Variants in FGF14 observed in about 807,000 individuals in gnomAD.
The protein encoded by FGF14 is fibroblast growth factor 14.
Under a neutral mutation model 25.5 loss-of-function variants are expected in FGF14, and 5 were observed. The ratio of observed to expected loss-of-function variants is 0.20; its 90% CI spans 0.10 to 0.41. The LOEUF (loss-of-function observed/expected upper bound fraction) is 0.41, where lower values mean the gene tolerates loss of function less well. FGF14 is among the 10% of genes least tolerant of loss of function. The pLI, the probability that FGF14 is intolerant of heterozygous loss-of-function variation, is 1.00. For missense variants in FGF14, 222 were observed against 320.1 expected (o/e 0.69, Z 2.34); for synonymous variants, 138 against 118.3 (o/e 1.17, Z -1.08).
intron 1 of FGF14, among the ~76,000 whole-genome samples, chr13:102,330,701 C>T (rs1314895245): frequency 6.6e-6 from 1 of 152,038 alleles, no homozygotes; most frequent in African/African-American, 2.4e-5. Flanking sequence ...CCTTCCTGAC[C>T]ACCCTACTCA....
intron 1 of FGF14, among the ~76,000 whole-genome samples, chr13:102,342,576 C>T (rs750071419): frequency 5.3e-5 from 8 of 152,108 alleles, no homozygotes; most frequent in Non-Finnish European, 1.2e-4. Flanking sequence ...TAATACTGAA[C>T]ATACTAATAT....
At chr13:101,886,569 G>A (rs573731979) in intron 1 of FGF14, among the ~76,000 whole-genome samples, 7 of 152,206 alleles carry the variant, frequency 4.6e-5, no homozygotes, top group Admixed American at 2.6e-4. Flanking sequence ...AATGTAATAC[G>A]TAAGACCTGA....
In FGF14 at chr13:102,207,472, C is replaced by T. The variant is rs578184593; in HGVS notation, c.208+193999G>A. On this transcript the variant is annotated intron_variant, in intron 1 of 4. Transcript: ENST00000376131. ...AAGCCATATTTATAAACAAGCAAAA[C>T]AACTTAGTAAATTTTTTCAAAAAAC... Among the ~76,000 whole-genome samples, 4 of 150,298 alleles carry T rather than the reference C, an allele frequency of 2.7e-5. No homozygotes were observed. In the South Asian group the frequency reaches 6.3e-4, roughly 24 times the overall value.
intron 3 of FGF14, among the ~76,000 whole-genome samples, chr13:101,812,297 T>C (rs1156587918): frequency 6.6e-6 from 1 of 152,054 alleles, no homozygotes; most frequent in African/African-American, 2.4e-5. Context: ...CTGAGGACCA[T>C]AGACTCCCAA....
rs967838836 is a variant in FGF14 at position 102,243,111 on chromosome 13, T to C, written c.208+158360A>G. Reference sequence around the variant, plus strand: ...GGGACATAATGGTGGTCAGCTACAATAAAGCCCTAAAGGATAGCAGAGCAG... The same window carrying C: ...GGGACATAATGGTGGTCAGCTACAACAAAGCCCTAAAGGATAGCAGAGCAG... On this transcript the variant is annotated intron_variant, in intron 1 of 4. Transcript: ENST00000376131. 9.9e-5 allele frequency among the ~76,000 whole-genome samples: 15 copies of C among 152,200 alleles called. No homozygotes were observed. The East Asian group carries it at 2.9e-3, about 29-fold the overall frequency.
intron 1 of FGF14, among the ~76,000 whole-genome samples, chr13:102,090,738 C>T (rs535537126): frequency 6.6e-6 from 1 of 152,300 alleles, no homozygotes; most frequent in African/African-American, 2.4e-5. Flanking sequence ...CCATTAATGC[C>T]TGTCCATTCC....
intron 1 of FGF14, among the ~76,000 whole-genome samples, chr13:102,111,015 G>A (rs1240918064): frequency 1.3e-5 from 2 of 152,120 alleles, no homozygotes; most frequent in East Asian, 3.9e-4. Flanking sequence ...TTCATTTACA[G>A]AATCCTCTTA....
intron 1 of FGF14, among the ~76,000 whole-genome samples, chr13:102,001,180 G>A (rs1038259638): frequency 3.3e-5 from 5 of 152,142 alleles, no homozygotes; most frequent in African/African-American, 9.7e-5. Context: ...ATGTTTAAAA[G>A]GATTCATAGG....
At chr13:101,992,569 G>A (rs1394684330) in intron 1 of FGF14, among the ~76,000 whole-genome samples, 3 of 151,936 alleles carry the variant, frequency 2.0e-5, no homozygotes, top group East Asian at 1.9e-4. Context: ...TTAAGGGATC[G>A]AATGAAAAAA....
At chr13:102,084,502 T>A (rs940747766) in intron 1 of FGF14, among the ~76,000 whole-genome samples, 2 of 152,178 alleles carry the variant, frequency 1.3e-5, no homozygotes, top group Non-Finnish European at 2.9e-5. Flanking sequence ...TAATAGAGAT[T>A]CAGGGAGAAA....
chr13:102,006,946 T>C (rs1334723783), intron 1 of FGF14, among the ~76,000 whole-genome samples: 2 of 150,760 alleles, frequency 1.3e-5, no homozygotes, highest in African/African-American at 4.9e-5. Context: ...GGGTTTCACC[T>C]TGTTAGCCAG....
At chr13:102,327,057 T>C (rs955195197) in intron 1 of FGF14, among the ~76,000 whole-genome samples, 1 of 152,094 alleles carries the variant, frequency 6.6e-6, no homozygotes, top group Non-Finnish European at 1.5e-5. Context: ...GTTAAATAAA[T>C]AGAATTTCCC....
At chr13:102,000,190 G>A (rs897667240) in intron 1 of FGF14, among the ~76,000 whole-genome samples, 1 of 152,112 alleles carries the variant, frequency 6.6e-6, no homozygotes. Flanking sequence ...CTGGTGGCGG[G>A]CACCTGTAAT....
intron 1 of FGF14, among the ~76,000 whole-genome samples, chr13:101,994,332 T>A (rs2039067904): frequency 6.6e-6 from 1 of 152,062 alleles, no homozygotes; most frequent in African/African-American, 2.4e-5. Context: ...TATATACCTA[T>A]TTTATTTGTT....
intron 1 of FGF14, among the ~76,000 whole-genome samples, chr13:102,216,398 G>A (rs964832851): frequency 3.3e-5 from 5 of 152,142 alleles, no homozygotes; most frequent in African/African-American, 1.2e-4. Flanking sequence ...AGGTAACATA[G>A]GTAAAGAATC....
intron 1 of FGF14, among the ~76,000 whole-genome samples, chr13:102,330,773 C>T (rs181907938): frequency 6.6e-6 from 1 of 152,256 alleles, no homozygotes; most frequent in African/African-American, 2.4e-5. Context: ...TCATTGTCCT[C>T]TAAAGCTTCC....
chr13:102,227,592 C>G (rs2050884622), intron 1 of FGF14, among the ~76,000 whole-genome samples: 3 of 152,148 alleles, frequency 2.0e-5, no homozygotes, highest in Admixed American at 2.0e-4. Context: ...TATTACTCTA[C>G]ATCACACAAC....
chr13:102,055,555 T>A (rs1273679584), intron 1 of FGF14, among the ~76,000 whole-genome samples: 1 of 152,224 alleles, frequency 6.6e-6, no homozygotes, highest in Non-Finnish European at 1.5e-5. Context: ...TAACAAATCA[T>A]CCCTTAGAAC....
intron 1 of FGF14, among the ~76,000 whole-genome samples, chr13:102,179,476 A>C (rs1474321859): frequency 6.6e-6 from 1 of 152,118 alleles, no homozygotes; most frequent in African/African-American, 2.4e-5. Flanking sequence ...TACGTGCAGG[A>C]ACACAGGGTA....
Sources: gnomAD v4.1 joint callset for allele counts (sites outside exome capture counted in the v4.1 genomes callset) on GRCh38, gnomAD v4.1.1 for gene constraint, MANE v1.5 for transcripts, NCBI Gene and HGNC (gene_info 2026-07-23, HGNC 2026-07-21) for gene names.